SPATA6L: variants seen among roughly 807,000 people sequenced by gnomAD.
The protein encoded by SPATA6L is spermatogenesis associated 6-like protein.
A neutral mutation model predicts 49.2 loss-of-function variants in SPATA6L; 68 were observed. The ratio of observed to expected loss-of-function variants is 1.38; its 90% CI spans 1.14 to 1.69. The LOEUF (loss-of-function observed/expected upper bound fraction) is 1.69. Ranked by LOEUF, SPATA6L falls within the 40% of genes most tolerant of loss-of-function variation. SPATA6L has a pLI of 0.00. For missense variants in SPATA6L, 668 were observed against 464.3 expected, an observed-to-expected ratio of 1.44 and a Z score of -4.03; for synonymous variants, 198 against 165.7, an observed-to-expected ratio of 1.19 and a Z score of -1.50.
At chr9:4,627,929 T>A (rs1200899438) in intron 5 of SPATA6L, 4 of 660,578 alleles carry the variant, frequency 6.1e-6, no homozygotes, top group Non-Finnish European at 9.3e-6. Flanking sequence ...TATTCAGCCA[T>A]TATTTTTTAT....
intron 7 of SPATA6L, 69 bp downstream of exon 7, chr9:4,622,339 G>T: frequency 1.1e-6 from 1 of 912,544 alleles, no homozygotes; most frequent in Non-Finnish European, 1.8e-6. Context: ...TCCTCAGAAT[G>T]AAAGAGTATA....
intron 11 of SPATA6L, among the ~76,000 whole-genome samples, chr9:4,602,194 T>A (rs1823492994): frequency 6.6e-6 from 1 of 151,762 alleles, no homozygotes; most frequent in South Asian, 2.1e-4. Context: ...AATGTCCACA[T>A]ATCAGCTGGT....
chr9:4,639,013 G>C (rs1833462607), intron 3 of SPATA6L, among the ~76,000 whole-genome samples: 1 of 152,066 alleles, frequency 6.6e-6, no homozygotes, highest in Non-Finnish European at 1.5e-5. Flanking sequence ...GTGATCTGGG[G>C]CAAATCATGT....
At chr9:4,590,103 T>G (rs1586887155) in intron 13 of SPATA6L, among the ~76,000 whole-genome samples, 1 of 149,298 alleles carries the variant, frequency 6.7e-6, no homozygotes, top group South Asian at 2.1e-4. Flanking sequence ...TTTGTATTTT[T>G]GGTACAGACA....
intron 10 of SPATA6L, 114 bp from the exon 11 acceptor site, chr9:4,604,383 T>C (rs1421321589): frequency 4.6e-6 from 3 of 646,962 alleles, no homozygotes; most frequent in Non-Finnish European, 8.2e-6. Context: ...TATGCCGTTA[T>C]ATGGGGTTCA....
At chr9:4,601,003 T>C (rs182484201) in intron 11 of SPATA6L, among the ~76,000 whole-genome samples, 194 bp from the exon 12 acceptor site, 1 of 152,340 alleles carries the variant, frequency 6.6e-6, no homozygotes, top group African/African-American at 2.4e-5. Flanking sequence ...TGTGTGACCT[T>C]GGACAATTTA....
chr9:4,634,784 C>A (rs889209579), intron 4 of SPATA6L, among the ~76,000 whole-genome samples: 1 of 152,104 alleles, frequency 6.6e-6, no homozygotes, highest in Non-Finnish European at 1.5e-5. Flanking sequence ...AAATTATCAA[C>A]GGAATATCTG....
intron 4 of SPATA6L, among the ~76,000 whole-genome samples, chr9:4,630,197 G>C (rs1831242151): frequency 6.6e-6 from 1 of 152,068 alleles, no homozygotes; most frequent in East Asian, 1.9e-4. Flanking sequence ...GGAGGGATGG[G>C]ATTGTTCTAC....
In SPATA6L at chr9:4,618,087, C is replaced by G. The variant is rs1353961776; in HGVS notation, c.831G>C (p.Arg277=). The change falls in exon 9 of 12, where the codon CGG becomes CGC. Residue 277 remains arginine (R), a synonymous_variant. Coordinates refer to ENST00000682582, the MANE Select transcript of SPATA6L (RefSeq NM_001353486.2). The part of the protein sequence containing the change: ...NVKVIKEPDE[R]IVLRSDSSSC... The stretch of plus-strand genomic sequence containing the variant: ...ATGATGAGTCACTCCTTAAAACAAT[C>G]CGTTCATCTGGCTCTTTGATAACCT... 6.2e-7 allele frequency: 1 copy of G among 1,611,114 alleles called. No individual in the cohort carries two copies. The highest frequency in any genetic ancestry group is 1.3e-5 in the African/African-American group (1 of 74,828).
chr9:4,645,508 C>A (rs1431648300), intron 3 of SPATA6L, among the ~76,000 whole-genome samples: 1 of 152,102 alleles, frequency 6.6e-6, no homozygotes, highest in Admixed American at 6.5e-5. Context: ...GGGTGCTGAG[C>A]ATGCTAGCTC....
intron 10 of SPATA6L, 88 bp downstream of exon 10, chr9:4,605,259 A>T: frequency 1.0e-6 from 1 of 992,600 alleles, no homozygotes; most frequent in Non-Finnish European, 1.6e-6. Flanking sequence ...TGGTTATTTG[A>T]TTAATGTCTG....
chr9:4,621,738 T>C (rs1285809664), intron 7 of SPATA6L, among the ~76,000 whole-genome samples: 1 of 152,222 alleles, frequency 6.6e-6, no homozygotes, highest in African/African-American at 2.4e-5. Flanking sequence ...TCTGCCTGCC[T>C]CGGCCTCCCG....
chr9:4,610,738 C>T (rs1826510046), intron 9 of SPATA6L, among the ~76,000 whole-genome samples: 1 of 151,276 alleles, frequency 6.6e-6, no homozygotes, highest in Non-Finnish European at 1.5e-5. Context: ...TAGGCATGGG[C>T]AAGGACTTCA....
chr9:4,650,794 G>C (rs1054194657), intron 3 of SPATA6L, among the ~76,000 whole-genome samples: 1 of 151,420 alleles, frequency 6.6e-6, no homozygotes, highest in South Asian at 2.1e-4. Flanking sequence ...CAAGTAGCTA[G>C]GATTACAGGC....
At chr9:4,643,906 C>G (rs993368455) in intron 3 of SPATA6L, among the ~76,000 whole-genome samples, 3 of 151,930 alleles carry the variant, frequency 2.0e-5, no homozygotes, top group Non-Finnish European at 4.4e-5. Context: ...ATTCAGGAGG[C>G]TGAGGCAGGA....
intron 6 of SPATA6L, among the ~76,000 whole-genome samples, chr9:4,623,510 T>C (rs1564191922): frequency 6.6e-6 from 1 of 152,062 alleles, no homozygotes; most frequent in Non-Finnish European, 1.5e-5. Context: ...AATGTTACTT[T>C]TCATTCTACT....
intron 2 of SPATA6L, among the ~76,000 whole-genome samples, chr9:4,657,130 A>G (rs1838460070): frequency 6.6e-6 from 1 of 152,214 alleles, no homozygotes; most frequent in Admixed American, 6.5e-5. Context: ...CCTAAGCTCT[A>G]GGCCCTAAGA....
intron 3 of SPATA6L, among the ~76,000 whole-genome samples, chr9:4,644,685 TCACACACA>T (rs59433051): frequency 0.034 from 3,635 of 107,678 alleles, 77 homozygotes; most frequent in African/African-American, 0.066. Context: ...TCTCTCTCTC[TCACACACA>T]CACACACACA....
rs778690184 is a variant in SPATA6L, at chr9:4,635,331, G to T, written c.295C>A (p.Pro99Thr). The change falls in exon 4 of 12, where the codon CCT becomes ACT. Residue 99 changes from proline (P) to threonine (T), a missense_variant. Transcript: ENST00000682582. ...TCCCTACACCTCCTAGGGTGCGAAG[G>T]TGTCAGCTTGGGCTCTGGGAAAAGA... ...DFLFPEPKLT[P>T]SHPRRCREVL... 2.3e-5 allele frequency: 37 copies of T among 1,590,378 alleles called. No homozygotes were observed. The South Asian group carries it at 4.2e-4, about 18-fold the overall frequency.
Sources: gnomAD v4.1 joint callset for allele counts (sites outside exome capture counted in the v4.1 genomes callset) on GRCh38, gnomAD v4.1.1 for gene constraint, MANE v1.5 for transcripts, NCBI Gene and HGNC (gene_info 2026-07-23, HGNC 2026-07-21) for gene names.